ECPAS: variants seen among roughly 807,000 people sequenced by gnomAD.
The protein encoded by ECPAS is Ecm29 proteasome adaptor and scaffold.
Under a neutral mutation model 255.1 loss-of-function variants are expected in ECPAS, and 70 were observed. The ratio of observed to expected loss-of-function variants is 0.27; its 90% confidence interval spans 0.23 to 0.33. The LOEUF (loss-of-function observed/expected upper bound fraction) is 0.33, where lower values mean the gene tolerates loss of function less well. ECPAS is among the 10% of genes least tolerant of loss of function. ECPAS has a pLI of 1.00. For synonymous variants in ECPAS, 784 were observed against 775.0 expected, an observed-to-expected ratio of 1.01 and a Z score of -0.19; for missense variants, 1,817 against 2,206.4, an observed-to-expected ratio of 0.82 and a Z score of 3.54.
Position 111,484,361 on chromosome 9 carries a change from T to C in ECPAS, c.-328A>G. The C allele has an allele frequency of 1.2e-6, 2 of 1,611,208 alleles. No homozygotes were observed. On this transcript the variant is annotated 5_prime_UTR_variant, in exon 1 of 50. Transcript: ENST00000684092. ...GGCCCGACCTGGGGAAACACGCCTG[T>C]CCAAAGGAAGAGACGTGGACTCAGA...
At chr9:111,480,292 CTTT>C (rs398011866) in intron 1 of ECPAS, among the ~76,000 whole-genome samples, 2 of 63,628 alleles carry the variant, frequency 3.1e-5, no homozygotes, top group Non-Finnish European at 2.8e-5. Context: ...AGCACCTTTT[CTTT>C]TTTTTTTTTT....
intron 3 of ECPAS, among the ~76,000 whole-genome samples, chr9:111,447,941 G>C (rs932026861): frequency 2.0e-5 from 3 of 152,048 alleles, no homozygotes; most frequent in African/African-American, 7.2e-5. Context: ...GAAAGTGAGA[G>C]AAGGAAAGAA....
intron 25 of ECPAS, among the ~76,000 whole-genome samples, chr9:111,396,731 T>C (rs984211920): frequency 3.3e-5 from 5 of 152,112 alleles, no homozygotes; most frequent in Admixed American, 6.6e-5. Context: ...TTTGTATTTT[T>C]AGTAGAGATG....
In ECPAS at chr9:111,414,709, G is replaced by A. The variant is rs145406436; in HGVS notation, c.1765-58C>T. 6.9e-4 allele frequency: 980 copies of A among 1,423,754 alleles called. 3 individuals are homozygous for A. The African/African-American group carries it at 0.012, about 18-fold the overall frequency. The allele number at this position is 1,423,754 out of a possible 1,614,324, so 88.2% of individuals were successfully genotyped here. ...GCTTCTCGAAAAGTCAGTGTGGGAA[G>A]GTACTCTTCAAAGTAACAATTTCTA... On this transcript the variant is annotated intron_variant, in intron 18 of 49. Coordinates refer to ENST00000684092, the MANE Select transcript of ECPAS (RefSeq NM_001364929.1).
chr9:111,463,867 A>G lies in ECPAS; in HGVS notation c.22+9030T>C, dbSNP rs148387333. Among the ~76,000 whole-genome samples, 56 of 152,276 alleles carry G rather than the reference A, an allele frequency of 3.7e-4. 1 individual carries two copies. Among genetic ancestry groups the G allele is most frequent in the African/African-American group, 1.3e-3 (55 of 41,552 alleles). On this transcript the variant is annotated intron_variant, in intron 2 of 49. Coordinates refer to ENST00000684092, the MANE Select transcript of ECPAS (RefSeq NM_001364929.1). ...ATATTGATACAATCTCTGAAGAGCA[A>G]TTCTGCAGTAAAGACATCTCTAGCA...
At chr9:111,383,153 A>G in intron 35 of ECPAS, 58 bp downstream of exon 35, 1 of 1,587,390 alleles carries the variant, frequency 6.3e-7, no homozygotes, top group Middle Eastern at 1.7e-4. Context: ...CTTGAAAGAA[A>G]CACAATTTCT....
At position 111,416,266 on chromosome 9, in the gene ECPAS, T is replaced by C. The variant is rs1341212510; in HGVS notation, c.1764+6A>G. 3 of 1,604,516 alleles carry C rather than the reference T, an allele frequency of 1.9e-6. No homozygotes were observed. Among genetic ancestry groups the C allele is most frequent in the Non-Finnish European group, 2.6e-6 (3 of 1,171,358 alleles). ...AAAAGTAAATAGAAATATATGAAAG[T>C]TCTACCTCTCCAAAGGCTGCTGGGT... On this transcript the variant is annotated splice_donor_region_variant and intron_variant, in intron 18 of 49. Coordinates refer to ENST00000684092, the MANE Select transcript of ECPAS (RefSeq NM_001364929.1).
At chr9:111,448,785 A>T (rs549314985) in intron 3 of ECPAS, among the ~76,000 whole-genome samples, 28 of 152,254 alleles carry the variant, frequency 1.8e-4, no homozygotes, top group Non-Finnish European at 2.8e-4. Context: ...GGCAAATTTT[A>T]TATCAAATAT....
intron 3 of ECPAS, among the ~76,000 whole-genome samples, chr9:111,451,077 T>C (rs1248261508): frequency 6.6e-6 from 1 of 152,232 alleles, no homozygotes; most frequent in Non-Finnish European, 1.5e-5. Flanking sequence ...GTTATAATCA[T>C]TGTCAACAAT....
At chr9:111,442,165 C>CAA in intron 5 of ECPAS, 141 bp downstream of exon 5, 1 of 535,328 alleles carries the variant, frequency 1.9e-6, no homozygotes, top group Non-Finnish European at 3.3e-6. Flanking sequence ...TTTGAGGTAC[C>CAA]ACGGAAAATT....
At chr9:111,420,296 C>A (rs553163063) in intron 15 of ECPAS, among the ~76,000 whole-genome samples, 176 bp from the exon 16 acceptor site, 1 of 152,150 alleles carries the variant, frequency 6.6e-6, no homozygotes, top group Non-Finnish European at 1.5e-5. Context: ...TGTTCAAGAT[C>A]TTTAATCATG....
At chr9:111,396,397 G>A (rs543224578) in intron 25 of ECPAS, among the ~76,000 whole-genome samples, 1 of 152,250 alleles carries the variant, frequency 6.6e-6, no homozygotes, top group East Asian at 1.9e-4. Context: ...AGGATTAGAG[G>A]ACACATCATC....
rs2098244170 is a variant in ECPAS at position 111,440,378 on chromosome 9, G to A, written c.533C>T (p.Pro178Leu). The change falls in exon 6 of 50, where the codon CCT (proline) becomes CTT (leucine). Residue 178 changes from proline (P) to leucine (L), a missense_variant. Pro to Leu is a moderately conservative substitution (Grantham distance 98, BLOSUM62 -3). Transcript: ENST00000684092. ...LDFMLDVLLM[P>L]YGYVLNESQS... ...CTTTTATTTTTTAACTCACCCATAAGGCATCAGAAGGACATCTAGCATGAA... is the reference window on the plus strand; with the variant it reads ...CTTTTATTTTTTAACTCACCCATAAAGCATCAGAAGGACATCTAGCATGAA... 2 of 1,609,308 alleles carry A rather than the reference G, an allele frequency of 1.2e-6. No homozygotes were observed. Among genetic ancestry groups the A allele is most frequent in the Non-Finnish European group, 1.7e-6 (2 of 1,177,012 alleles).
At chr9:111,383,995 CA>C (rs1445323187) in intron 34 of ECPAS, among the ~76,000 whole-genome samples, 1 of 149,718 alleles carries the variant, frequency 6.7e-6, no homozygotes, top group African/African-American at 2.4e-5. Context: ...TCATCATCAT[CA>C]ATAACGCTGG....
chr9:111,376,846 A>G (rs896504037), intron 36 of ECPAS, among the ~76,000 whole-genome samples: 1 of 152,230 alleles, frequency 6.6e-6, no homozygotes, highest in Non-Finnish European at 1.5e-5. Flanking sequence ...CACTAAATAA[A>G]GGAACTGACT....
intron 2 of ECPAS, 93 bp from the exon 3 acceptor site, chr9:111,451,648 C>T: frequency 8.2e-7 from 1 of 1,213,120 alleles, no homozygotes; most frequent in Non-Finnish European, 1.1e-6. Flanking sequence ...TTCTGTACTG[C>T]AATCCTTCAG....
chr9:111,460,555 GATA>G (rs1361035992), intron 2 of ECPAS, among the ~76,000 whole-genome samples: 4 of 152,022 alleles, frequency 2.6e-5, no homozygotes, highest in Non-Finnish European at 4.4e-5. Context: ...ATTATTTAAA[GATA>G]ATGATTGGTA....
chr9:111,374,164 T>A, intron 38 of ECPAS, 126 bp from the exon 39 acceptor site: 1 of 621,930 alleles, frequency 1.6e-6, no homozygotes, highest in Non-Finnish European at 2.8e-6. Context: ...CCTCCAGGAC[T>A]CAATATAGAA....
chr9:111,433,284 G>T lies in ECPAS; in HGVS notation c.797C>A (p.Thr266Lys). 1 of 1,613,896 alleles carries T rather than the reference G, an allele frequency of 6.2e-7. No homozygotes were observed. The highest frequency in any genetic ancestry group is 1.7e-5 in the Admixed American group (1 of 60,036). Reference protein sequence around the residue: ...VLHLVIASSDTRHSVATAADL... With the variant: ...VLHLVIASSDKRHSVATAADL... ...TGCTGCCGTTGCCACACTGTGGCGT[G>T]TATCACTAGAGGCAATCACCAAGTG... Residue 266 changes from threonine (T) to lysine (K), a missense_variant, in exon 8 of 50, where the codon ACA (threonine) becomes AAA (lysine). Thr to Lys is a moderately conservative substitution (Grantham distance 78). Around this residue, in one of 4 missense-constraint regions of ECPAS, gnomAD observed 573 missense variants for 716.2 expected, o/e 0.80. Transcript: ENST00000684092.
Sources: gnomAD v4.1 joint callset for allele counts (sites outside exome capture counted in the v4.1 genomes callset) on GRCh38, gnomAD v4.1.1 for gene constraint, gnomAD v4.1.1 regional missense constraint, MANE v1.5 for transcripts, NCBI Gene and HGNC (gene_info 2026-07-23, HGNC 2026-07-21) for gene names.